ADSS1: variants seen among roughly 807,000 people sequenced by gnomAD.
ADSS1 encodes adenylosuccinate synthase 1, also known as adenylosuccinate synthetase isozyme 1.
A neutral mutation model predicts 59.1 loss-of-function variants in ADSS1; 57 were observed. That is an observed-to-expected ratio of 0.97 (90% CI 0.78 to 1.20). ADSS1 has a LOEUF of 1.20. Ranked by LOEUF, ADSS1 falls within the 50% of genes most tolerant of loss-of-function variation. The probability of loss-of-function intolerance (pLI) is 0.00; values close to 1 mark genes in which losing one functional copy is unlikely to be tolerated. For missense variants in ADSS1, 603 were observed against 610.3 expected, an observed-to-expected ratio of 0.99 and a Z score of 0.13; for synonymous variants, 247 against 249.4, an observed-to-expected ratio of 0.99 and a Z score of 0.09.
Position 104,740,084 on chromosome 14 carries a change from T to C in ADSS1, c.476+268T>C, listed in dbSNP as rs1181497158. On this transcript the variant is annotated intron_variant, in intron 5 of 12. Coordinates refer to ENST00000330877, the MANE Select transcript of ADSS1 (RefSeq NM_152328.5). The surrounding 1 kb of genome is among the most constrained non-coding windows in gnomAD (Gnocchi z 4.8). Reference sequence around the variant, plus strand: ...AGTGCATAAGCCCTACCGTCACCTGTCACACCCACCACCTTTCCTGACTCC... The same window carrying C: ...AGTGCATAAGCCCTACCGTCACCTGCCACACCCACCACCTTTCCTGACTCC... Among the ~76,000 whole-genome samples the C allele has an allele frequency of 6.6e-6, 1 of 152,020 alleles. No homozygotes were observed. The highest frequency in any genetic ancestry group is 6.6e-5 in the Admixed American group (1 of 15,256).
chr14:104,736,881 GAT>G lies in ADSS1; in HGVS notation c.296-1464_296-1463del, dbSNP rs57122419. Among the ~76,000 whole-genome samples the G allele has an allele frequency of 9.8e-4, 104 of 106,590 alleles. 3 individuals are homozygous for G. The highest frequency in any genetic ancestry group is 5.4e-3 in the Middle Eastern group (1 of 186). 69.9% of individuals were successfully genotyped at this position (106,590 alleles called of 152,430 possible). ...CAGGCTTATGCCACCGCACCTAGCT[GAT>G]ATATATATATATATATATATATATA... On this transcript the variant is annotated intron_variant, in intron 2 of 12. Transcript: ENST00000330877.
chr14:104,735,368 G>T (rs938767711), intron 2 of ADSS1, among the ~76,000 whole-genome samples: 10 of 152,042 alleles, frequency 6.6e-5, no homozygotes, highest in East Asian at 1.9e-4. Context: ...CACATCCACC[G>T]CGCAGGAGCG....
At chr14:104,736,896 A>T (rs1274819179) in intron 2 of ADSS1, among the ~76,000 whole-genome samples, 2 of 65,796 alleles carry the variant, frequency 3.0e-5, no homozygotes, top group African/African-American at 8.9e-5. Flanking sequence ...ATATATATAT[A>T]TATATATATA....
Position 104,740,619 on chromosome 14 carries a change from G to A in ADSS1, c.495G>A (p.Lys165=), listed in dbSNP as rs1291631480. 6.2e-7 allele frequency: 1 copy of A among 1,613,922 alleles called. No homozygotes were observed. The change falls in exon 6 of 13, where the codon AAG becomes AAA. Residue 165 remains lysine, a synonymous_variant. Coordinates refer to ENST00000330877, the MANE Select transcript of ADSS1 (RefSeq NM_152328.5). The surrounding 1 kb of genome is among the most constrained non-coding windows in gnomAD (Gnocchi z 4.8). ...QEGKNIGTTK[K]GIGPTYSSKA... is the part of the protein sequence containing the mutation. ...CTTTCAGTATAGGCACCACCAAGAA[G>A]GGAATCGGACCAACCTACTCTTCCA...
In ADSS1 at chr14:104,740,519, G is replaced by T; in HGVS notation, c.477-82G>T. ...ATGGTGGGCACTGGAGTCATGAGCCGGCGGGGGTCATGGCCTCAGTGGGAT... is the reference window on the plus strand; with the variant it reads ...ATGGTGGGCACTGGAGTCATGAGCCTGCGGGGGTCATGGCCTCAGTGGGAT... On this transcript the variant is annotated intron_variant, in intron 5 of 12. Transcript: ENST00000330877. The surrounding 1 kb of genome is among the most constrained non-coding windows in gnomAD (Gnocchi z 4.8). 1 of 1,277,960 alleles carries T rather than the reference G, an allele frequency of 7.8e-7. No individual in the cohort carries two copies. Among genetic ancestry groups the T allele is most frequent in the South Asian group, 1.2e-5 (1 of 80,764 alleles). 79.2% of individuals were successfully genotyped at this position (1,277,960 alleles called of 1,614,324 possible). A position where few individuals can be genotyped will look rare whatever the true frequency, so the allele number is the denominator to read the frequency against.
At chr14:104,739,641 C>T (rs751080129) in intron 4 of ADSS1, 109 bp from the exon 5 acceptor site, 2 of 1,268,416 alleles carry the variant, frequency 1.6e-6, no homozygotes, top group Non-Finnish European at 1.1e-6. Context: ...AAATCTCAAC[C>T]ACCCCCTTCC....
Position 104,747,188 on chromosome 14 carries a change from A to G in ADSS1, c.*185A>G, listed in dbSNP as rs1891597127. On this transcript the variant is annotated 3_prime_UTR_variant, in exon 13 of 13. Transcript: ENST00000330877. ...AAACATTGGAAAGCCAGCCTTGTGT[A>G]TATTTTTAAAAATTATATTCAAAAT... 1.9e-6 allele frequency: 1 copy of G among 530,038 alleles called. No individual in the cohort carries two copies. The highest frequency in any genetic ancestry group is 3.2e-6 in the Non-Finnish European group (1 of 311,284). The allele number at this position is 530,038 out of a possible 1,614,324, so 32.8% of individuals were successfully genotyped here.
Position 104,744,794 on chromosome 14 carries a change from C to T in ADSS1, c.1074-18C>T. 1 of 1,613,332 alleles carries T rather than the reference C, an allele frequency of 6.2e-7. No individual in the cohort carries two copies. The highest frequency in any genetic ancestry group is 8.5e-7 in the Non-Finnish European group (1 of 1,179,374). On this transcript the variant is annotated intron_variant, in intron 10 of 12. Coordinates refer to ENST00000330877, the MANE Select transcript of ADSS1 (RefSeq NM_152328.5). ...CTGACCACTTCTTGGGTTTGCCCGG[C>T]CCCTTGGCTTTCCACAGGCTGGCCC...
chr14:104,727,922 C>A (rs2140743356), intron 1 of ADSS1, among the ~76,000 whole-genome samples: 1 of 152,332 alleles, frequency 6.6e-6, no homozygotes, highest in Non-Finnish European at 1.5e-5. Flanking sequence ...TGGCCATGCC[C>A]AGTACACGGG....
chr14:104,745,791 G>A (rs112435300), intron 11 of ADSS1: 2,048 of 154,956 alleles, frequency 0.013, 40 homozygotes, highest in African/African-American at 0.047. Context: ...CATCTGTAAG[G>A]GTGGTTGTCT....
At chr14:104,727,106 A>G (rs1161279925) in intron 1 of ADSS1, among the ~76,000 whole-genome samples, 2 of 152,130 alleles carry the variant, frequency 1.3e-5, no homozygotes, top group African/African-American at 4.8e-5. Flanking sequence ...CACTCTGCCC[A>G]GAGGTGATCT....
At position 104,744,969 on chromosome 14, in the gene ADSS1, A is replaced by G. The variant is rs1026794246; in HGVS notation, c.1171+60A>G. ...GCCGTTTCATGGTATTGGAATAGAT[A>G]GGACCTGTGACTTCTCAGAGAGGGG... On this transcript the variant is annotated intron_variant, in intron 11 of 12. Coordinates refer to ENST00000330877, the MANE Select transcript of ADSS1 (RefSeq NM_152328.5). The G allele has an allele frequency of 8.7e-6, 13 of 1,492,798 alleles. No homozygotes were observed. The African/African-American group carries it at 1.7e-4, about 19-fold the overall frequency. The allele number at this position is 1,492,798 out of a possible 1,614,324, so 92.5% of individuals were successfully genotyped here. A position where few individuals can be genotyped will look rare whatever the true frequency, so the allele number is the denominator to read the frequency against.
intron 4 of ADSS1, 63 bp from the exon 5 acceptor site, chr14:104,739,687 T>G: frequency 6.4e-7 from 1 of 1,564,194 alleles, no homozygotes; most frequent in Non-Finnish European, 8.8e-7. Context: ...GAGGTCCATG[T>G]ATACACATCT....
chr14:104,742,934 A>G, intron 9 of ADSS1, 133 bp from the exon 10 acceptor site: 2 of 1,333,588 alleles, frequency 1.5e-6, no homozygotes, highest in Non-Finnish European at 2.1e-6. Flanking sequence ...AGCTGGATGT[A>G]AGGACTGTCG....
chr14:104,732,825 G>T (rs1055303830), intron 1 of ADSS1, among the ~76,000 whole-genome samples: 8 of 152,252 alleles, frequency 5.3e-5, no homozygotes, highest in Non-Finnish European at 1.0e-4. Flanking sequence ...AGCAGATGCA[G>T]TCGTGGGCAT....
At chr14:104,744,788 G>A (rs754941245) in intron 10 of ADSS1, 24 bp from the exon 11 acceptor site, 8 of 1,612,384 alleles carry the variant, frequency 5.0e-6, no homozygotes, top group South Asian at 1.1e-5. Context: ...TCTTGGGTTT[G>A]CCCGGCCCCT....
At chr14:104,733,533 C>T (rs1023996800) in intron 1 of ADSS1, among the ~76,000 whole-genome samples, 6 of 152,268 alleles carry the variant, frequency 3.9e-5, no homozygotes, top group Admixed American at 2.6e-4. Context: ...GCCGCCATCA[C>T]GGAGGGTCCT....
intron 1 of ADSS1, among the ~76,000 whole-genome samples, chr14:104,734,779 C>G (rs898021843): frequency 6.6e-6 from 1 of 152,190 alleles, no homozygotes; most frequent in Admixed American, 6.5e-5. Context: ...GGTGTTGGCA[C>G]CAGCCTGGGC....
chr14:104,743,835 G>A (rs4983542), intron 10 of ADSS1, among the ~76,000 whole-genome samples: 15,974 of 152,324 alleles, frequency 0.1, 853 homozygotes, highest in Non-Finnish European at 0.12. Context: ...AGGGTGTGGC[G>A]TCTGGGATCC....
Sources: allele counts gnomAD v4.1 joint callset (sites outside exome capture counted in the v4.1 genomes callset), GRCh38; gene constraint gnomAD v4.1.1; non-coding constraint Gnocchi (gnomAD v3.1); transcripts MANE v1.5; gene names NCBI Gene and HGNC (gene_info 2026-07-23, HGNC 2026-07-21).